Variants in C5orf63 observed in about 807,000 individuals in gnomAD.
The protein encoded by C5orf63 is glutaredoxin-like protein C5orf63.
Under a neutral mutation model 13.3 loss-of-function variants are expected in C5orf63, and 18 were observed. The ratio of observed to expected loss-of-function variants is 1.36; its 90% confidence interval spans 0.94 to 2.01. The LOEUF is 2.01. C5orf63 is among the 30% of genes most tolerant of loss of function. The pLI, the probability that C5orf63 is intolerant of heterozygous loss-of-function variation, is 0.00. For missense variants in C5orf63, 118 were observed against 127.7 expected (o/e 0.92, Z 0.36); for synonymous variants, 38 against 44.7 (o/e 0.85, Z 0.60).
rs73783523 is a variant in C5orf63, at chr5:127,059,105, G to C, written c.-7-103C>G. Reference sequence around the variant, plus strand: ...CTTATGATGGAATTTGCGGGCTTCAGAATTGTTTCTTCAAGTCCAGGAGTG... The same window carrying C: ...CTTATGATGGAATTTGCGGGCTTCACAATTGTTTCTTCAAGTCCAGGAGTG... On this transcript the variant is annotated intron_variant, in intron 2 of 4. Coordinates refer to ENST00000296662, the MANE Select transcript of C5orf63 (RefSeq NM_001164478.2). The C allele has an allele frequency of 3.9e-3, 2,934 of 755,010 alleles. 49 individuals are homozygous for C. In the African/African-American group the frequency reaches 0.046, roughly 12 times the overall value. The allele number at this position is 755,010 out of a possible 1,614,324, so 46.8% of individuals were successfully genotyped here. A position where few individuals can be genotyped will look rare whatever the true frequency, so the allele number is the denominator to read the frequency against.
At chr5:127,047,762 G>T, downstream of C5orf63, 1 of 703,844 alleles carries the variant, frequency 1.4e-6, no homozygotes, top group Non-Finnish European at 2.6e-6. Context: ...ATTGTTTTTG[G>T]TGCATCTAAT....
intron 4 of C5orf63, 30 bp from the exon 5 acceptor site, chr5:127,051,977 T>A (rs1427920994): frequency 1.4e-6 from 2 of 1,432,474 alleles, no homozygotes; most frequent in Admixed American, 5.4e-5. Context: ...AAGCTCTGTA[T>A]TTTAGACCAT....
chr5:127,051,199 T>C (rs1753660215), downstream of C5orf63: 4 of 692,040 alleles, frequency 5.8e-6, no homozygotes, highest in Non-Finnish European at 8.0e-6. Context: ...TTTTCTCAAA[T>C]GATGCCTCTT....
downstream of C5orf63, among the ~76,000 whole-genome samples, chr5:127,049,682 A>C (rs1479496810): frequency 6.6e-6 from 1 of 152,200 alleles, no homozygotes; most frequent in Non-Finnish European, 1.5e-5. Context: ...TTCATTCTCT[A>C]CTGCTATGTA....
rs1269961597 is a variant in C5orf63, at chr5:127,065,069, CAT to C, written c.-7-6069_-7-6068del. ...CTCTCAGATGGACTAATCAACTCCACATGTTTGATACAAGTAACAAGAATAAC... is the reference window on the plus strand; with the variant it reads ...CTCTCAGATGGACTAATCAACTCCACGTTTGATACAAGTAACAAGAATAAC... On this transcript the variant is annotated intron_variant, in intron 2 of 4. Coordinates refer to ENST00000296662, the MANE Select transcript of C5orf63 (RefSeq NM_001164478.2). Among the ~76,000 whole-genome samples, 6 of 152,254 alleles carry C rather than the reference CAT, an allele frequency of 3.9e-5. No individual in the cohort carries two copies. In the East Asian group the frequency reaches 7.7e-4, roughly 20 times the overall value.
At chr5:127,052,699 A>C (rs1324922570) in intron 3 of C5orf63, 30 bp from the exon 4 acceptor site, 1 of 1,459,958 alleles carries the variant, frequency 6.8e-7, no homozygotes, top group East Asian at 2.6e-5. Flanking sequence ...CCAAGCGATT[A>C]AACCCAAAGA....
At chr5:127,058,375 T>C (rs1308727618) in intron 3 of C5orf63, among the ~76,000 whole-genome samples, 1 of 152,232 alleles carries the variant, frequency 6.6e-6, no homozygotes, top group Non-Finnish European at 1.5e-5. Flanking sequence ...TTATTTCATC[T>C]ATTTTATGGC....
Position 127,052,667 on chromosome 5 carries a change from G to A in C5orf63, c.117C>T (p.Asp39=). The stretch of plus-strand genomic sequence containing the variant: ...TGGCTTCATCACAAAGGGGGCATGG[G>A]TCCTACAGGAAGAAAAAAAACCCAA... ...TLPVLTLFTK[D]PCPLCDEAKE... Residue 39 remains aspartate (D), a splice_region_variant and synonymous_variant, in exon 4 of 5, where the codon GAC becomes GAT. Coordinates refer to ENST00000296662, the MANE Select transcript of C5orf63 (RefSeq NM_001164478.2). The A allele has an allele frequency of 1.3e-6, 2 of 1,491,896 alleles. No individual in the cohort carries two copies. Among genetic ancestry groups the A allele is most frequent in the Middle Eastern group, 1.7e-4 (1 of 5,774 alleles). The allele number at this position is 1,491,896 out of a possible 1,614,324, so 92.4% of individuals were successfully genotyped here.
downstream of C5orf63, among the ~76,000 whole-genome samples, chr5:127,050,954 T>G (rs917328882): frequency 6.6e-6 from 1 of 152,232 alleles, no homozygotes; most frequent in Non-Finnish European, 1.5e-5. Flanking sequence ...ACACTTTACA[T>G]AGAATGGCAA....
intron 2 of C5orf63, among the ~76,000 whole-genome samples, chr5:127,059,681 T>C (rs935368042): frequency 2.7e-5 from 4 of 150,852 alleles, no homozygotes; most frequent in African/African-American, 9.8e-5. Flanking sequence ...TGAGCCATGA[T>C]TGCACCACTG....
chr5:127,061,539 G>C lies in C5orf63; in HGVS notation c.-7-2537C>G, dbSNP rs1754106249. On this transcript the variant is annotated intron_variant, in intron 2 of 4. Coordinates refer to ENST00000296662, the MANE Select transcript of C5orf63 (RefSeq NM_001164478.2). Reference sequence around the variant, plus strand: ...GGATCTGCTATCCAGTTGTTCCAAGGTAAAAAGTAGATCTAAACAATTTCA... The same window carrying C: ...GGATCTGCTATCCAGTTGTTCCAAGCTAAAAAGTAGATCTAAACAATTTCA... 2.0e-5 allele frequency among the ~76,000 whole-genome samples: 3 copies of C among 152,162 alleles called. No individual in the cohort carries two copies. In the South Asian group the frequency reaches 6.2e-4, roughly 32 times the overall value.
At chr5:127,048,029 T>C (rs1753561312), downstream of C5orf63, 6 of 597,036 alleles carry the variant, frequency 1.0e-5, no homozygotes, top group Non-Finnish European at 1.5e-5. Flanking sequence ...CCACACTTGG[T>C]ACAGGCTGTG....
chr5:127,064,967 C>G (rs1260840492), intron 2 of C5orf63, among the ~76,000 whole-genome samples: 1 of 152,146 alleles, frequency 6.6e-6, no homozygotes, highest in Non-Finnish European at 1.5e-5. Context: ...CCTTCTAGTT[C>G]TCAGTAACAT....
chr5:127,065,889 T>A (rs1300415217), intron 2 of C5orf63, among the ~76,000 whole-genome samples: 1 of 152,140 alleles, frequency 6.6e-6, no homozygotes, highest in Non-Finnish European at 1.5e-5. Flanking sequence ...TGGGGTATGG[T>A]GATGAACAAG....
exon 5 of C5orf63, chr5:127,045,544 C>A (rs1454998303): frequency 6.6e-6 from 1 of 152,222 alleles, no homozygotes; most frequent in Non-Finnish European, 1.5e-5. Flanking sequence ...ATTTTCCCAT[C>A]TCAAGATCCT....
chr5:127,052,148 C>G (rs894932240), intron 4 of C5orf63, among the ~76,000 whole-genome samples: 1 of 152,206 alleles, frequency 6.6e-6, no homozygotes, highest in Admixed American at 6.5e-5. Flanking sequence ...GATCTTGCTG[C>G]TTTTCTGTTA....
chr5:127,051,866 G>T lies in C5orf63; in HGVS notation c.253C>A (p.His85Asn), dbSNP rs376760188. 6.5e-6 allele frequency: 10 copies of T among 1,535,724 alleles called. No homozygotes were observed. In the African/African-American group the frequency reaches 1.4e-4, roughly 21 times the overall value. The change falls in exon 5 of 5, where the codon CAC becomes AAC. Residue 85 changes from histidine to asparagine, a missense_variant. Coordinates refer to ENST00000296662, the MANE Select transcript of C5orf63 (RefSeq NM_001164478.2). ...ATCATCAGAAACTGGCCATTCAAGT[G>T]AAAGACAGGAATATCAAATTTATAC... Reference protein sequence around the residue: ...ERYKFDIPVFHLNGQFLMMHR... With the variant: ...ERYKFDIPVFNLNGQFLMMHR...
downstream of C5orf63, chr5:127,051,185 T>C: frequency 1.7e-6 from 1 of 581,084 alleles, no homozygotes; most frequent in East Asian, 3.7e-5. Flanking sequence ...AGTTTTTCTT[T>C]TGTTTTTCTC....
intron 3 of C5orf63, among the ~76,000 whole-genome samples, chr5:127,058,590 ATAAT>A (rs1753978039): frequency 6.6e-6 from 1 of 152,238 alleles, no homozygotes; most frequent in Non-Finnish European, 1.5e-5. Flanking sequence ...ACAAATAAAA[ATAAT>A]TGATTGTATT....
Sources: gnomAD v4.1 joint callset for allele counts (sites outside exome capture counted in the v4.1 genomes callset) on GRCh38, gnomAD v4.1.1 for gene constraint, MANE v1.5 for transcripts, NCBI Gene and HGNC (gene_info 2026-07-23, HGNC 2026-07-21) for gene names.